PIP5K1B: variants seen among roughly 807,000 people sequenced by gnomAD.
PIP5K1B encodes the protein phosphatidylinositol-4-phosphate 5-kinase type 1 beta.
A neutral mutation model predicts 67.0 loss-of-function variants in PIP5K1B; 42 were observed. That is an observed-to-expected ratio of 0.63 (90% confidence interval 0.49 to 0.81). PIP5K1B has a LOEUF of 0.81. PIP5K1B is among the 30% of genes least tolerant of loss of function. The pLI, the probability that PIP5K1B is intolerant of heterozygous loss-of-function variation, is 0.00. For missense variants in PIP5K1B, 459 were observed against 646.3 expected (o/e 0.71, Z 3.14); for synonymous variants, 214 against 231.4 (o/e 0.92, Z 0.68).
rs561744481 is a variant in PIP5K1B at position 68,906,314 on chromosome 9, C to T, written c.772-11234C>T. Among the ~76,000 whole-genome samples, 6 of 152,286 alleles carry T rather than the reference C, an allele frequency of 3.9e-5. No individual in the cohort carries two copies. The South Asian group carries it at 1.2e-3, about 32-fold the overall frequency. On this transcript the variant is annotated intron_variant, in intron 8 of 15. Transcript: ENST00000265382. ...GATTACAGGTGTGAGCCGCTGTACT[C>T]GGCCAAATTTAGTGTTTTGATCGAG...
At chr9:68,917,086 C>T (rs962658665) in intron 8 of PIP5K1B, among the ~76,000 whole-genome samples, 1 of 152,140 alleles carries the variant, frequency 6.6e-6, no homozygotes, top group African/African-American at 2.4e-5. Flanking sequence ...AGAGTGTGGA[C>T]ACCGGAGTTG....
chr9:68,789,458 T>A (rs1831833342), intron 2 of PIP5K1B: 1 of 508,126 alleles, frequency 2.0e-6, no homozygotes, highest in Non-Finnish European at 4.0e-6. Context: ...GACCTCCATC[T>A]GGATCACAGC....
intron 14 of PIP5K1B, among the ~76,000 whole-genome samples, chr9:68,967,940 G>A (rs1322335722): frequency 5.0e-4 from 8 of 16,106 alleles, no homozygotes; most frequent in Non-Finnish European, 1.6e-3. Context: ...AATACCAGAA[G>A]GATTGCTCCC....
At chr9:68,910,786 G>A (rs1333259692) in intron 8 of PIP5K1B, among the ~76,000 whole-genome samples, 1 of 152,114 alleles carries the variant, frequency 6.6e-6, no homozygotes, top group Non-Finnish European at 1.5e-5. Context: ...AAAAACAGTA[G>A]GATTTGAAAA....
At chr9:68,770,423 C>T (rs565282187) in intron 2 of PIP5K1B, among the ~76,000 whole-genome samples, 101 of 152,270 alleles carry the variant, frequency 6.6e-4, no homozygotes, top group African/African-American at 1.9e-3. Flanking sequence ...TCTGACTTCT[C>T]AGGGTAAAAA....
At chr9:68,893,442 T>G (rs1407186817) in intron 7 of PIP5K1B, among the ~76,000 whole-genome samples, 2 of 151,192 alleles carry the variant, frequency 1.3e-5, no homozygotes, top group Non-Finnish European at 2.9e-5. Flanking sequence ...AAAGCAATTC[T>G]CCTGCCTCAG....
chr9:68,857,436 C>G (rs1474995104), intron 4 of PIP5K1B, among the ~76,000 whole-genome samples: 1 of 152,110 alleles, frequency 6.6e-6, no homozygotes, highest in African/African-American at 2.4e-5. Flanking sequence ...TTCCTTAGTT[C>G]TCTCAGTGGG....
chr9:68,780,587 T>A, intron 2 of PIP5K1B: 1 of 1,614,206 alleles, frequency 6.2e-7, no homozygotes. Flanking sequence ...ATTTCATTCC[T>A]GTGTCACCAG....
At chr9:68,872,339 G>A (rs1823665950) in intron 5 of PIP5K1B, among the ~76,000 whole-genome samples, 1 of 152,154 alleles carries the variant, frequency 6.6e-6, no homozygotes, top group African/African-American at 2.4e-5. Context: ...GCCCAGCAGG[G>A]GCCAGCGATC....
At chr9:68,813,660 C>T (rs962863539) in intron 2 of PIP5K1B, among the ~76,000 whole-genome samples, 9 of 152,136 alleles carry the variant, frequency 5.9e-5, no homozygotes, top group African/African-American at 1.9e-4. Flanking sequence ...TGAGGGTGAG[C>T]TCTAACCTAG....
chr9:68,851,556 C>T lies in PIP5K1B; in HGVS notation c.70-12281C>T, dbSNP rs138733458. On this transcript the variant is annotated intron_variant, in intron 4 of 15. Transcript: ENST00000265382. ...GTATGAAATGATTCATACTGGGAGA[C>T]GGGAGTAACCGGTTTTAGCTCCTGT... Among the ~76,000 whole-genome samples, 14 of 152,194 alleles carry T rather than the reference C, an allele frequency of 9.2e-5. No individual in the cohort carries two copies. In the East Asian group the frequency reaches 1.5e-3, roughly 17 times the overall value.
intron 11 of PIP5K1B, among the ~76,000 whole-genome samples, chr9:68,921,487 C>T (rs1826400279): frequency 6.6e-6 from 1 of 152,152 alleles, no homozygotes; most frequent in Non-Finnish European, 1.5e-5. Context: ...CCATTCCCCT[C>T]CTGTTTTCTG....
chr9:68,883,825 A>AACAC (rs59872442), intron 6 of PIP5K1B, among the ~76,000 whole-genome samples: 10 of 149,332 alleles, frequency 6.7e-5, no homozygotes, highest in African/African-American at 9.9e-5. Context: ...CCCAGAAATA[A>AACAC]ACACACACAC....
intron 14 of PIP5K1B, among the ~76,000 whole-genome samples, chr9:68,987,340 G>A (rs1830136213): frequency 6.6e-6 from 1 of 152,160 alleles, no homozygotes; most frequent in Non-Finnish European, 1.5e-5. Flanking sequence ...GAGGTGAGCA[G>A]ATCATTTGAG....
chr9:68,983,671 A>T (rs1730490999), intron 14 of PIP5K1B, among the ~76,000 whole-genome samples: 1 of 152,216 alleles, frequency 6.6e-6, no homozygotes, highest in African/African-American at 2.4e-5. Context: ...GTAGTAGCTC[A>T]TGCCTGTAAT....
chr9:68,728,495 A>T (rs1256101993), intron 1 of PIP5K1B, among the ~76,000 whole-genome samples: 2 of 152,084 alleles, frequency 1.3e-5, no homozygotes, highest in Non-Finnish European at 2.9e-5. Flanking sequence ...ATATGAATTT[A>T]TGTGGGGGAG....
At chr9:68,904,434 G>A (rs1825509921) in intron 8 of PIP5K1B, among the ~76,000 whole-genome samples, 1 of 152,180 alleles carries the variant, frequency 6.6e-6, no homozygotes, top group Admixed American at 6.5e-5. Flanking sequence ...CTATTTCAAG[G>A]AAGGAACACA....
chr9:68,915,964 G>A (rs748926917), intron 8 of PIP5K1B, among the ~76,000 whole-genome samples: 1 of 152,180 alleles, frequency 6.6e-6, no homozygotes, highest in Non-Finnish European at 1.5e-5. Flanking sequence ...ACAGGTAACT[G>A]AATCTTCAGG....
intron 4 of PIP5K1B, among the ~76,000 whole-genome samples, chr9:68,835,211 T>G (rs532591564): frequency 4.8e-4 from 73 of 152,332 alleles, no homozygotes; most frequent in African/African-American, 1.5e-3. Flanking sequence ...CTCAAAATCA[T>G]AGAGGAGTGT....
Sources: gnomAD v4.1 joint callset for allele counts (sites outside exome capture counted in the v4.1 genomes callset) on GRCh38, gnomAD v4.1.1 for gene constraint, MANE v1.5 for transcripts, NCBI Gene and HGNC (gene_info 2026-07-23, HGNC 2026-07-21) for gene names.